RAP1GAP2: variants seen among roughly 807,000 people sequenced by gnomAD.
RAP1GAP2 encodes rap1 GTPase-activating protein 2.
RAP1GAP2 carries 27 observed loss-of-function variants against 95.0 expected under a neutral mutation model. That is an observed-to-expected ratio of 0.28 (90% CI 0.21 to 0.39). RAP1GAP2 has a LOEUF of 0.39. Ranked by LOEUF, RAP1GAP2 falls within the 10% of genes least tolerant of loss-of-function variation. RAP1GAP2 has a pLI of 1.00. For missense variants in RAP1GAP2, 771 were observed against 970.0 expected (o/e 0.79, Z 2.72); for synonymous variants, 373 against 380.9 (o/e 0.98, Z 0.24).
At chr17:2,980,089 C>T (rs1351310596) in intron 8 of RAP1GAP2, among the ~76,000 whole-genome samples, 198 bp from the exon 9 acceptor site, 1 of 151,926 alleles carries the variant, frequency 6.6e-6, no homozygotes, top group African/African-American at 2.4e-5. Flanking sequence ...TACAGGCATC[C>T]GCCACCACGT....
intron 3 of RAP1GAP2, among the ~76,000 whole-genome samples, chr17:2,919,527 T>A (rs558810227): frequency 6.6e-6 from 1 of 151,596 alleles, no homozygotes; most frequent in South Asian, 2.1e-4. Flanking sequence ...CGGGGACAGA[T>A]GCTGACCTTG....
intron 2 of RAP1GAP2, among the ~76,000 whole-genome samples, chr17:2,809,304 G>A (rs149289982): frequency 6.6e-6 from 1 of 152,362 alleles, no homozygotes; most frequent in African/African-American, 2.4e-5. Flanking sequence ...GATGAGTGTG[G>A]GACAGTGGGC....
At chr17:2,957,517 G>C (rs989468790) in intron 3 of RAP1GAP2, among the ~76,000 whole-genome samples, 1 of 152,214 alleles carries the variant, frequency 6.6e-6, no homozygotes, top group Non-Finnish European at 1.5e-5. Context: ...CTGAGTGTCT[G>C]CTCCCCCAGC....
intron 1 of RAP1GAP2, among the ~76,000 whole-genome samples, chr17:2,799,363 G>A (rs1315311705): frequency 2.0e-5 from 3 of 152,198 alleles, no homozygotes; most frequent in Admixed American, 2.0e-4. Context: ...TTGCTTTGCT[G>A]TTGTAACTGA....
At chr17:2,954,584 A>C (rs1394141408) in intron 3 of RAP1GAP2, among the ~76,000 whole-genome samples, 2 of 151,200 alleles carry the variant, frequency 1.3e-5, no homozygotes, top group African/African-American at 4.9e-5. Context: ...TTATTTATTT[A>C]TTTATTTATT....
intron 2 of RAP1GAP2, among the ~76,000 whole-genome samples, chr17:2,809,936 C>A (rs1371178891): frequency 6.6e-6 from 1 of 152,024 alleles, no homozygotes; most frequent in Non-Finnish European, 1.5e-5. Flanking sequence ...CTCCCGCTGG[C>A]TCCTCTGGGG....
chr17:2,867,155 C>G lies in RAP1GAP2; in HGVS notation c.81-38129C>G, dbSNP rs1200577817. ...GTGTCGTGATTCCCCTCACCTTGGC[C>G]TCCCAAAGTGCTGGGATTACAGGTG... On this transcript the variant is annotated intron_variant, in intron 2 of 24. Coordinates refer to ENST00000254695, the MANE Select transcript of RAP1GAP2 (RefSeq NM_015085.5). The surrounding 1 kb of genome is among the most constrained non-coding windows in gnomAD (Gnocchi z 4.5). Among the ~76,000 whole-genome samples, 1 of 152,190 alleles carries G rather than the reference C, an allele frequency of 6.6e-6. No individual in the cohort carries two copies. The highest frequency in any genetic ancestry group is 2.4e-5 in the African/African-American group (1 of 41,434).
At chr17:2,932,022 C>T (rs946263834) in intron 3 of RAP1GAP2, among the ~76,000 whole-genome samples, 103 of 152,296 alleles carry the variant, frequency 6.8e-4, no homozygotes, top group Admixed American at 2.4e-3. Flanking sequence ...CTCAGTCCGG[C>T]GCATTTGATC....
chr17:2,960,049 C>T (rs924051654), intron 4 of RAP1GAP2, among the ~76,000 whole-genome samples: 8 of 133,468 alleles, frequency 6.0e-5, no homozygotes, highest in African/African-American at 2.1e-4. Flanking sequence ...CTCTTGAACC[C>T]GGGAGGTGGA....
intron 3 of RAP1GAP2, among the ~76,000 whole-genome samples, chr17:2,941,834 C>T (rs1052156571): frequency 1.3e-5 from 2 of 152,038 alleles, no homozygotes; most frequent in African/African-American, 4.8e-5. Flanking sequence ...AGACATGTGC[C>T]ACCACGCCTG....
chr17:2,860,328 C>T (rs2072324960), intron 2 of RAP1GAP2, among the ~76,000 whole-genome samples: 1 of 152,182 alleles, frequency 6.6e-6, no homozygotes, highest in African/African-American at 2.4e-5. Flanking sequence ...AAAGAACAAA[C>T]ACCTCCCTTT....
At chr17:2,955,904 T>C (rs1341572105) in intron 3 of RAP1GAP2, among the ~76,000 whole-genome samples, 3 of 152,252 alleles carry the variant, frequency 2.0e-5, no homozygotes, top group Non-Finnish European at 2.9e-5. Context: ...TTTATTTTTT[T>C]ACTGTTAGAA....
rs756325944 is a variant in RAP1GAP2, at chr17:3,036,308, C to T, written c.*2947C>T. On this transcript the variant is annotated 3_prime_UTR_variant, in exon 25 of 25. Transcript: ENST00000254695. ...GGGGAGTAACTTGCTTGAGGTCACA[C>T]AGCTGGCTGTTGGCAAAGCTGGGAT... The T allele has an allele frequency of 2.0e-5, 3 of 152,234 alleles. No individual in the cohort carries two copies. The highest frequency in any genetic ancestry group is 4.4e-5 in the Non-Finnish European group (3 of 68,052). The allele number at this position is 152,234 out of a possible 1,614,324, so 9.4% of individuals were successfully genotyped here.
intron 11 of RAP1GAP2, among the ~76,000 whole-genome samples, chr17:2,989,176 C>T (rs2045666865): frequency 6.6e-6 from 1 of 152,128 alleles, no homozygotes; most frequent in African/African-American, 2.4e-5. Context: ...AACCTGCCAG[C>T]ATTTGGTGTT....
At chr17:2,821,373 C>CTTT (rs10566772) in intron 2 of RAP1GAP2, among the ~76,000 whole-genome samples, 13 of 118,538 alleles carry the variant, frequency 1.1e-4, no homozygotes, top group Middle Eastern at 4.1e-3. Context: ...TTCTTTACAC[C>CTTT]TTTTTTTTTT....
At chr17:2,979,457 T>C (rs1429027602) in intron 8 of RAP1GAP2, among the ~76,000 whole-genome samples, 1 of 140,202 alleles carries the variant, frequency 7.1e-6, no homozygotes, top group Non-Finnish European at 1.5e-5. Flanking sequence ...TCAGGCGTGT[T>C]CTGTTTTTTT....
intron 2 of RAP1GAP2, among the ~76,000 whole-genome samples, chr17:2,854,599 C>T (rs1290047294): frequency 6.6e-6 from 1 of 152,268 alleles, no homozygotes; most frequent in Non-Finnish European, 1.5e-5. Context: ...GCCCCACCGC[C>T]ATAGGGTGAC....
At chr17:2,974,148 T>C (rs1222532211) in intron 8 of RAP1GAP2, among the ~76,000 whole-genome samples, 2 of 149,462 alleles carry the variant, frequency 1.3e-5, no homozygotes, top group Non-Finnish European at 3.0e-5. Context: ...GAGACCATCC[T>C]GGCTAATACG....
At chr17:2,774,816 C>CT (rs370177422), upstream of RAP1GAP2, among the ~76,000 whole-genome samples, 107 of 130,408 alleles carry the variant, frequency 8.2e-4, no homozygotes, top group Admixed American at 1.8e-3. Flanking sequence ...CCCTGCTATC[C>CT]TTTTTTTTTT....
Sources: allele counts gnomAD v4.1 joint callset (sites outside exome capture counted in the v4.1 genomes callset), GRCh38; gene constraint gnomAD v4.1.1; non-coding constraint Gnocchi (gnomAD v3.1); transcripts MANE v1.5; gene names NCBI Gene and HGNC (gene_info 2026-07-23, HGNC 2026-07-21).